PDCD6: variants seen among roughly 807,000 people sequenced by gnomAD.
The protein encoded by PDCD6 is programmed cell death 6.
A neutral mutation model predicts 28.3 loss-of-function variants in PDCD6; 12 were observed. The observed-to-expected ratio is 0.42, with a 90% CI of 0.27 to 0.69. PDCD6 has a LOEUF of 0.69. Ranked by LOEUF, PDCD6 falls within the 30% of genes least tolerant of loss-of-function variation. The pLI is 0.22. For missense variants in PDCD6, 226 were observed against 269.9 expected (o/e 0.84, Z 1.14); for synonymous variants, 92 against 108.0 (o/e 0.85, Z 0.92).
chr5:276,229 A>G, intron 2 of PDCD6: 6 of 1,138,726 alleles, frequency 5.3e-6, no homozygotes, highest in Non-Finnish European at 5.5e-6. Flanking sequence ...ACCCCATCTC[A>G]AAAAAACAAA....
rs1247024500 is a variant in PDCD6, at chr5:271,766, C to T, written c.46C>T (p.Pro16Ser). The stretch of plus-strand genomic sequence containing the variant: ...CCCCGGCCCTGGGGCCGGCCCTGGG[C>T]CTGCTGCAGGCGCGGCGCTGCCGGA... ...YRPGPGAGPG[P>S]AAGAALPDQS... The change falls in exon 1 of 6, where the codon CCT becomes TCT. Residue 16 changes from proline to serine, a missense_variant. Transcript: ENST00000264933. 2.0e-6 allele frequency: 3 copies of T among 1,498,232 alleles called. No individual in the cohort carries two copies. Among genetic ancestry groups the T allele is most frequent in the Non-Finnish European group, 2.7e-6 (3 of 1,130,256 alleles). The allele number at this position is 1,498,232 out of a possible 1,614,324, so 92.8% of individuals were successfully genotyped here.
chr5:287,047 A>C (rs1464336153), intron 2 of PDCD6, among the ~76,000 whole-genome samples: 2 of 151,340 alleles, frequency 1.3e-5, no homozygotes, highest in African/African-American at 4.9e-5. Context: ...GGAGCTGGAG[A>C]CCCACGGAGG....
chr5:296,078 C>T (rs1258658461), intron 2 of PDCD6, among the ~76,000 whole-genome samples: 1 of 152,068 alleles, frequency 6.6e-6, no homozygotes, highest in Non-Finnish European at 1.5e-5. Flanking sequence ...ACCTGGGAGG[C>T]CTGATGGTCA....
Position 307,424 on chromosome 5 carries a change from G to A in PDCD6, c.367+664G>A, listed in dbSNP as rs1740594190. Among the ~76,000 whole-genome samples, 2 of 152,232 alleles carry A rather than the reference G, an allele frequency of 1.3e-5. No individual in the cohort carries two copies. The highest frequency in any genetic ancestry group is 2.1e-4 in the South Asian group (1 of 4,812). ...AGAACGCGTGCCCATTCTCAGGTGC[G>A]CTCAGCGTGTGTGTGCTTGACGCGT... On this transcript the variant is annotated intron_variant, in intron 4 of 5. Transcript: ENST00000264933. The surrounding 1 kb of genome is among the most constrained non-coding windows in gnomAD (Gnocchi z 6.1).
intron 2 of PDCD6, among the ~76,000 whole-genome samples, chr5:295,540 AAAGAC>A (rs1561041564): frequency 1.4e-5 from 2 of 147,170 alleles, no homozygotes; most frequent in African/African-American, 4.9e-5. Context: ...TCCAGGAAAG[AAAGAC>A]AAATGAGATG....
rs1175345971 is a variant in PDCD6 at position 307,572 on chromosome 5, G to A, written c.367+812G>A. Among the ~76,000 whole-genome samples, 1 of 152,202 alleles carries A rather than the reference G, an allele frequency of 6.6e-6. No homozygotes were observed. Among genetic ancestry groups the A allele is most frequent in the Non-Finnish European group, 1.5e-5 (1 of 68,038 alleles). ...CTGCTCTCAGGGCTGAGAGGAAGCA[G>A]GGGTTTTATTTACAGAGGAACAACG... On this transcript the variant is annotated intron_variant, in intron 4 of 5. Coordinates refer to ENST00000264933, the MANE Select transcript of PDCD6 (RefSeq NM_013232.4). The surrounding 1 kb of genome is among the most constrained non-coding windows in gnomAD (Gnocchi z 6.1).
At chr5:311,988 T>G (rs1209540742) in intron 5 of PDCD6, 2 of 153,920 alleles carry the variant, frequency 1.3e-5, no homozygotes, top group African/African-American at 4.8e-5. Flanking sequence ...CCTGGCCAAC[T>G]ATGGTGTATT....
Position 306,733 on chromosome 5 carries a change from G to A in PDCD6, c.340G>A (p.Glu114Lys), listed in dbSNP as rs751714208. ...CAACTCCGGGATGATCGATAAGAAC[G>A]AGCTGAAGCAGGCCCTCTCAGGTTT... ...RDNSGMIDKN[E>K]LKQALSGFGY... Residue 114 changes from glutamate to lysine, a missense_variant, in exon 4 of 6, where the codon GAG becomes AAG. Physicochemically the swap from Glu to Lys is moderately conservative, Grantham distance 56. Transcript: ENST00000264933. 20 of 1,614,006 alleles carry A rather than the reference G, an allele frequency of 1.2e-5. No individual in the cohort carries two copies. Among genetic ancestry groups the A allele is most frequent in the Middle Eastern group, 1.6e-4 (1 of 6,062 alleles).
At chr5:297,632 A>C (rs903600493) in intron 2 of PDCD6, among the ~76,000 whole-genome samples, 1 of 152,162 alleles carries the variant, frequency 6.6e-6, no homozygotes, top group Non-Finnish European at 1.5e-5. Context: ...GCTTCCTTGC[A>C]CCTGTGCCCG....
rs140348262 is a variant in PDCD6 at position 288,718 on chromosome 5, G to A, written c.164-15459G>A. On this transcript the variant is annotated intron_variant, in intron 2 of 5. Coordinates refer to ENST00000264933, the MANE Select transcript of PDCD6 (RefSeq NM_013232.4). ...GGAATTATCCATAAAGTACTTTATT[G>A]TTTTACAACCTGCTTTTCTTGTAAA... The A allele has an allele frequency of 4.5e-3, 1,581 of 354,670 alleles. 21 individuals carry two copies. In the African/African-American group the frequency reaches 0.11, roughly 26 times the overall value. 22.0% of individuals were successfully genotyped at this position (354,670 alleles called of 1,614,324 possible).
chr5:296,564 CAG>C (rs1256422449), intron 2 of PDCD6, among the ~76,000 whole-genome samples: 5 of 152,162 alleles, frequency 3.3e-5, no homozygotes, highest in African/African-American at 1.2e-4. Context: ...GAATGGGTCT[CAG>C]ATAGTGTGTG....
chr5:289,964 A>G (rs1184704190), intron 2 of PDCD6: 7 of 1,591,966 alleles, frequency 4.4e-6, no homozygotes, highest in Non-Finnish European at 6.0e-6. Flanking sequence ...CCTCTGAGAA[A>G]TTTGTCTGTT....
intron 2 of PDCD6, among the ~76,000 whole-genome samples, chr5:279,410 C>T (rs1353702739): frequency 2.0e-5 from 3 of 152,042 alleles, no homozygotes; most frequent in Non-Finnish European, 4.4e-5. Context: ...CCCCAGGGAA[C>T]GGCGGCTCTG....
intron 2 of PDCD6, chr5:289,801 C>A: frequency 1.7e-6 from 2 of 1,162,180 alleles, no homozygotes; most frequent in Non-Finnish European, 2.6e-6. Flanking sequence ...ATTACGTGGT[C>A]TGGGTGTCCC....
chr5:306,237 G>A, intron 3 of PDCD6: 1 of 238,416 alleles, frequency 4.2e-6, no homozygotes. Flanking sequence ...GGGAGCTGGG[G>A]CCACTTACCT....
chr5:295,261 G>A (rs1265806849), intron 2 of PDCD6, among the ~76,000 whole-genome samples: 1 of 152,184 alleles, frequency 6.6e-6, no homozygotes, highest in Non-Finnish European at 1.5e-5. Context: ...ACTTTGAGTT[G>A]ACATCATCTA....
At chr5:311,241 C>T (rs989383782) in intron 4 of PDCD6, 52 bp from the exon 5 acceptor site, 2 of 1,385,954 alleles carry the variant, frequency 1.4e-6, no homozygotes, top group African/African-American at 1.4e-5. Context: ...AGTGTTGGCA[C>T]ATACCTCCCG....
intron 4 of PDCD6, chr5:308,194 G>A (rs965746962): frequency 5.3e-5 from 8 of 152,220 alleles, no homozygotes; most frequent in African/African-American, 1.2e-4. Context: ...CTGGCGCCAC[G>A]GACATCTTTT....
At chr5:278,661 C>T (rs575804125) in intron 2 of PDCD6, among the ~76,000 whole-genome samples, 7 of 151,340 alleles carry the variant, frequency 4.6e-5, no homozygotes, top group South Asian at 4.2e-4. Flanking sequence ...TGCAGTAAAC[C>T]GAGATCGTGC....
Sources: allele counts gnomAD v4.1 joint callset (sites outside exome capture counted in the v4.1 genomes callset), GRCh38; gene constraint gnomAD v4.1.1; non-coding constraint Gnocchi (gnomAD v3.1); transcripts MANE v1.5; gene names NCBI Gene and HGNC (gene_info 2026-07-23, HGNC 2026-07-21).